ABHD2: variants seen among roughly 807,000 people sequenced by gnomAD.
ABHD2 encodes the protein monoacylglycerol lipase ABHD2.
A neutral mutation model predicts 48.1 loss-of-function variants in ABHD2; 20 were observed. That is an observed-to-expected ratio of 0.42 (90% CI 0.29 to 0.60). ABHD2 has a LOEUF of 0.60. ABHD2 is among the 20% of genes least tolerant of loss of function. The pLI, the probability that ABHD2 is intolerant of heterozygous loss-of-function variation, is 0.24. For missense variants in ABHD2, 405 were observed against 550.9 expected (o/e 0.74, Z 2.65); for synonymous variants, 209 against 214.2 (o/e 0.98, Z 0.21).
chr15:89,149,293 C>T (rs902026704), intron 3 of ABHD2, among the ~76,000 whole-genome samples: 2 of 151,994 alleles, frequency 1.3e-5, no homozygotes, highest in African/African-American at 4.8e-5. Context: ...GTTAGGTAGG[C>T]TGGAAAGAGG....
At chr15:89,122,217 C>G (rs2050062774) in intron 3 of ABHD2, among the ~76,000 whole-genome samples, 1 of 152,194 alleles carries the variant, frequency 6.6e-6, no homozygotes, top group Non-Finnish European at 1.5e-5. Context: ...CATCTTCCTA[C>G]CATGTTTCCC....
At chr15:89,143,702 T>C (rs1433157855) in intron 3 of ABHD2, among the ~76,000 whole-genome samples, 1 of 142,328 alleles carries the variant, frequency 7.0e-6, no homozygotes, top group East Asian at 2.1e-4. Context: ...AAAAAAAAAA[T>C]GTGATTAATT....
intron 5 of ABHD2, among the ~76,000 whole-genome samples, chr15:89,163,669 G>A (rs1275447476): frequency 1.3e-5 from 2 of 152,248 alleles, no homozygotes; most frequent in Non-Finnish European, 2.9e-5. Flanking sequence ...ATACAGAGGA[G>A]CAGGTGTGAT....
chr15:89,064,266 C>T, the ABHD2 span, among the ~76,000 whole-genome samples: 1 of 137,560 alleles, frequency 7.3e-6, no homozygotes, highest in East Asian at 2.1e-4. Context: ...GTTGCCCAGG[C>T]TGGAGTGCAG....
the ABHD2 span, among the ~76,000 whole-genome samples, chr15:89,069,285 G>A: frequency 1.2e-3 from 185 of 151,726 alleles, 1 homozygote; most frequent in East Asian, 0.027. Context: ...GCACAACCAC[G>A]CCTGGCTAAT....
In ABHD2 at chr15:89,201,646, T is replaced by A. The variant is rs2150964963; in HGVS notation, c.*6223T>A. On this transcript the variant is annotated 3_prime_UTR_variant, in exon 11 of 11. Coordinates refer to ENST00000352732, the MANE Select transcript of ABHD2 (RefSeq NM_152924.5). ...ACACAGTACCGGTGAGGCACGGTAGTCTTCACTTTGAAACACACTTTTCTA... is the reference window on the plus strand; with the variant it reads ...ACACAGTACCGGTGAGGCACGGTAGACTTCACTTTGAAACACACTTTTCTA... 6.2e-7 allele frequency: 1 copy of A among 1,603,512 alleles called. No individual in the cohort carries two copies. The highest frequency in any genetic ancestry group is 8.5e-7 in the Non-Finnish European group (1 of 1,170,302).
rs148206536 is a variant in ABHD2 at position 89,129,134 on chromosome 15, G to A, written c.194+12613G>A. Among the ~76,000 whole-genome samples, 548 of 152,284 alleles carry A rather than the reference G, an allele frequency of 3.6e-3. 6 individuals are homozygous for A. The highest frequency in any genetic ancestry group is 0.013 in the African/African-American group (528 of 41,568). ...TGTGCACAGGGTTATGTGCAATTAT[G>A]GCATTAGAACTTAGGTGGGAGCTCA... On this transcript the variant is annotated intron_variant, in intron 3 of 10. Transcript: ENST00000352732.
intron 1 of ABHD2, among the ~76,000 whole-genome samples, chr15:89,112,855 A>G (rs2150807932): frequency 6.6e-6 from 1 of 151,798 alleles, no homozygotes; most frequent in African/African-American, 2.4e-5. Context: ...CACCAGCTGT[A>G]TGACACTGGG....
chr15:89,161,493 C>T (rs1252485737), intron 5 of ABHD2, among the ~76,000 whole-genome samples: 1 of 152,156 alleles, frequency 6.6e-6, no homozygotes, highest in Non-Finnish European at 1.5e-5. Context: ...CTCTGCCTCC[C>T]AGGTTCAAGT....
At chr15:89,090,855 T>C (rs1031156449) in intron 1 of ABHD2, among the ~76,000 whole-genome samples, 1 of 152,212 alleles carries the variant, frequency 6.6e-6, no homozygotes, top group African/African-American at 2.4e-5. Flanking sequence ...AGCCACTGTA[T>C]TAAGTGCTTT....
chr15:89,097,174 G>C lies in ABHD2; in HGVS notation c.-107+8611G>C, dbSNP rs896453487. Among the ~76,000 whole-genome samples the C allele has an allele frequency of 6.6e-6, 1 of 152,048 alleles. No individual in the cohort carries two copies. Among genetic ancestry groups the C allele is most frequent in the African/African-American group, 2.4e-5 (1 of 41,382 alleles). ...AGAGAATCATATAATGAACCTCCAA[G>C]CCCCACAAAACCCATCCCAGCTTTA... On this transcript the variant is annotated intron_variant, in intron 1 of 10. Coordinates refer to ENST00000352732, the MANE Select transcript of ABHD2 (RefSeq NM_152924.5). This position sits in a 1 kb window ranked among gnomAD's most constrained non-coding sequence, Gnocchi z 4.2.
chr15:89,132,274 T>A (rs1333760625), intron 3 of ABHD2, among the ~76,000 whole-genome samples: 1 of 152,154 alleles, frequency 6.6e-6, no homozygotes, highest in East Asian at 1.9e-4. Flanking sequence ...AAGGGGGTCC[T>A]AATAATAAGA....
At chr15:89,060,329 G>C in the ABHD2 span, among the ~76,000 whole-genome samples, 3 of 151,616 alleles carry the variant, frequency 2.0e-5, no homozygotes, top group African/African-American at 4.8e-5. Context: ...GATCTCAGGT[G>C]ATCCACCCAC....
At chr15:89,109,005 A>T (rs748026765) in intron 1 of ABHD2, among the ~76,000 whole-genome samples, 3 of 152,224 alleles carry the variant, frequency 2.0e-5, no homozygotes, top group Non-Finnish European at 4.4e-5. Flanking sequence ...TTTAGGGCCC[A>T]AAAAGATTAA....
At chr15:89,121,838 T>A (rs2050056339) in intron 3 of ABHD2, among the ~76,000 whole-genome samples, 1 of 152,190 alleles carries the variant, frequency 6.6e-6, no homozygotes, top group Non-Finnish European at 1.5e-5. Context: ...GCATCAATTC[T>A]GCTTTTAAGA....
chr15:89,201,362 G>T lies in ABHD2; in HGVS notation c.*5939G>T. The T allele has an allele frequency of 9.6e-7, 1 of 1,046,830 alleles. No homozygotes were observed. Among genetic ancestry groups the T allele is most frequent in the South Asian group, 1.3e-5 (1 of 75,938 alleles). The allele number at this position is 1,046,830 out of a possible 1,614,324, so 64.8% of individuals were successfully genotyped here. ...TTGTGGCGTGGGCCCGTCTTGCTTA[G>T]ATGCATTCAGTGGGACAGCTTTGCT... On this transcript the variant is annotated 3_prime_UTR_variant, in exon 11 of 11. Transcript: ENST00000352732.
chr15:89,061,131 TG>T, the ABHD2 span, among the ~76,000 whole-genome samples: 2 of 151,916 alleles, frequency 1.3e-5, no homozygotes, highest in Admixed American at 1.3e-4. Context: ...AACTACCTAC[TG>T]GGGGCCGGGC....
At position 89,184,356 on chromosome 15, in the gene ABHD2, C is replaced by T. The variant is rs1324950125; in HGVS notation, c.723-1068C>T. On this transcript the variant is annotated intron_variant, in intron 6 of 10. Coordinates refer to ENST00000352732, the MANE Select transcript of ABHD2 (RefSeq NM_152924.5). The surrounding 1 kb of genome is among the most constrained non-coding windows in gnomAD (Gnocchi z 5.1). Reference sequence around the variant, plus strand: ...AAACAAAACAAAAAACCTTACAAACCACCTGGTCCCCTCACTTACCATCTG... The same window carrying T: ...AAACAAAACAAAAAACCTTACAAACTACCTGGTCCCCTCACTTACCATCTG... 3.3e-5 allele frequency among the ~76,000 whole-genome samples: 5 copies of T among 152,132 alleles called. No homozygotes were observed. Among genetic ancestry groups the T allele is most frequent in the Admixed American group, 6.5e-5 (1 of 15,278 alleles).
At chr15:89,078,399 A>G in the ABHD2 span, among the ~76,000 whole-genome samples, 3 of 152,356 alleles carry the variant, frequency 2.0e-5, no homozygotes, top group South Asian at 6.2e-4. Flanking sequence ...TGTCAAAGGG[A>G]AAAATTAAGC....
Sources: gnomAD v4.1 joint callset for allele counts (sites outside exome capture counted in the v4.1 genomes callset) on GRCh38, gnomAD v4.1.1 for gene constraint, Gnocchi (gnomAD v3.1) non-coding constraint, MANE v1.5 for transcripts, NCBI Gene and HGNC (gene_info 2026-07-23, HGNC 2026-07-21) for gene names.